Variants in COL15A1 observed in about 807,000 individuals in gnomAD.
COL15A1 encodes the protein collagen alpha-1(XV) chain.
COL15A1 carries 111 observed loss-of-function variants against 165.9 expected under a neutral mutation model. The ratio of observed to expected loss-of-function variants is 0.67; its 90% confidence interval spans 0.57 to 0.78. The LOEUF (loss-of-function observed/expected upper bound fraction) is 0.78, where lower values mean the gene tolerates loss of function less well. Among genes scored for constraint, COL15A1 ranks in the 30% least tolerant of loss-of-function variants. The pLI is 0.00. For missense variants in COL15A1, 1,745 were observed against 1,789.7 expected, an observed-to-expected ratio of 0.98 and a Z score of 0.45; for synonymous variants, 659 against 674.8, an observed-to-expected ratio of 0.98 and a Z score of 0.36.
At chr9:99,034,915 A>C in intron 17 of COL15A1, 99 bp from the exon 18 acceptor site, 2 of 1,081,542 alleles carry the variant, frequency 1.8e-6, no homozygotes, top group East Asian at 2.4e-5. Context: ...TCATCAACCT[A>C]ATTAACTTCA....
At position 98,986,082 on chromosome 9, in the gene COL15A1, T is replaced by C; in HGVS notation, c.618T>C (p.Asn206=). ...CCAGCGCTGGAATCTTCATGGGCAA[T>C]GCAGGAGCTACAGGGCTCGAGAGAT... ...FESSAGIFMG[N]AGATGLERFT... The change falls in exon 3 of 42, where the codon AAT becomes AAC. Residue 206 remains asparagine (N), a synonymous_variant. Coordinates refer to ENST00000375001, the MANE Select transcript of COL15A1 (RefSeq NM_001855.5). 1.2e-6 allele frequency: 2 copies of C among 1,613,788 alleles called. No individual in the cohort carries two copies. The highest frequency in any genetic ancestry group is 1.7e-6 in the Non-Finnish European group (2 of 1,179,988).
In COL15A1 at chr9:98,985,852, G is replaced by C; in HGVS notation, c.388G>C (p.Gly130Arg). The stretch of plus-strand genomic sequence containing the variant: ...CCTGCGGCTCTCAGGTGTGGAGGAC[G>C]GCCACCAGCGGATCATCCTCTACTA... ...LGLRLSGVED[G>R]HQRIILYYTE... The change falls in exon 3 of 42, where the codon GGC becomes CGC. Residue 130 changes from glycine (G) to arginine (R), a missense_variant. Gly to Arg is a moderately radical substitution (Grantham distance 125). Transcript: ENST00000375001. 6.2e-7 allele frequency: 1 copy of C among 1,613,800 alleles called. No individual in the cohort carries two copies. Among genetic ancestry groups the C allele is most frequent in the Non-Finnish European group, 8.5e-7 (1 of 1,180,040 alleles).
chr9:99,000,361 CATA>C (rs1370842351), intron 6 of COL15A1, among the ~76,000 whole-genome samples: 1 of 151,648 alleles, frequency 6.6e-6, no homozygotes, highest in Non-Finnish European at 1.5e-5. Flanking sequence ...TTATGTATGT[CATA>C]ATCATTATTA....
chr9:98,956,196 C>A (rs1163456251), intron 2 of COL15A1, among the ~76,000 whole-genome samples: 1 of 152,162 alleles, frequency 6.6e-6, no homozygotes, highest in Non-Finnish European at 1.5e-5. Context: ...GTCCCAGCTA[C>A]TTGGGAGGCT....
chr9:98,967,920 G>C (rs184681354), intron 2 of COL15A1, among the ~76,000 whole-genome samples: 8 of 152,338 alleles, frequency 5.3e-5, no homozygotes, highest in Non-Finnish European at 1.2e-4. Context: ...CTCAGCCCAG[G>C]GTTTCTGATT....
chr9:98,956,662 A>G (rs1033574192), intron 2 of COL15A1, among the ~76,000 whole-genome samples: 1 of 152,136 alleles, frequency 6.6e-6, no homozygotes, highest in Admixed American at 6.5e-5. Context: ...TCCACCCTAG[A>G]ATCCATCCTC....
intron 7 of COL15A1, among the ~76,000 whole-genome samples, chr9:99,001,574 A>G (rs1356121831): frequency 6.6e-6 from 1 of 152,218 alleles, no homozygotes; most frequent in East Asian, 1.9e-4. Flanking sequence ...CAAAAATTCA[A>G]CAAAATTACA....
intron 8 of COL15A1, among the ~76,000 whole-genome samples, chr9:99,004,277 T>C (rs141385800): frequency 1.9e-4 from 29 of 152,148 alleles, no homozygotes; most frequent in Middle Eastern, 3.4e-3. Flanking sequence ...GAGGCCGGGC[T>C]TGGGGGCTGT....
At chr9:99,020,703 C>A (rs1177896229) in intron 12 of COL15A1, among the ~76,000 whole-genome samples, 1 of 152,216 alleles carries the variant, frequency 6.6e-6, no homozygotes. Context: ...TGTCGAGTAT[C>A]AAAGGGTCCT....
chr9:98,968,738 T>C (rs1837995678), intron 2 of COL15A1, among the ~76,000 whole-genome samples: 1 of 152,164 alleles, frequency 6.6e-6, no homozygotes, highest in South Asian at 2.1e-4. Flanking sequence ...CACAGGCTAT[T>C]ATCATTATTA....
At chr9:99,007,934 A>G (rs1464666737) in intron 9 of COL15A1, among the ~76,000 whole-genome samples, 2 of 152,230 alleles carry the variant, frequency 1.3e-5, no homozygotes, top group Admixed American at 1.3e-4. Flanking sequence ...ATTAGGCAAG[A>G]CCAAAATCTA....
At chr9:99,009,626 A>T (rs1838817685) in intron 9 of COL15A1, among the ~76,000 whole-genome samples, 1 of 152,240 alleles carries the variant, frequency 6.6e-6, no homozygotes, top group African/African-American at 2.4e-5. Context: ...ATCACAAAAT[A>T]GGATCACAGG....
At chr9:99,018,282 C>T (rs1838970842) in intron 11 of COL15A1, among the ~76,000 whole-genome samples, 1 of 152,158 alleles carries the variant, frequency 6.6e-6, no homozygotes, top group African/African-American at 2.4e-5. Context: ...CTCTAATTGT[C>T]TCCCGCCTTC....
At chr9:98,978,430 G>C (rs554338393) in intron 2 of COL15A1, among the ~76,000 whole-genome samples, 5 of 152,306 alleles carry the variant, frequency 3.3e-5, no homozygotes, top group South Asian at 4.1e-4. Flanking sequence ...GGAATTTTCC[G>C]AGCAGAAAGA....
In COL15A1 at chr9:99,025,852, A is replaced by G. The variant is rs1316671335; in HGVS notation, c.1981-52A>G. Reference sequence around the variant, plus strand: ...CCCTCCTTTTCTAGCAAGCGTGTGTATGTGATATTTAGCAGAAATGTTGTG... The same window carrying G: ...CCCTCCTTTTCTAGCAAGCGTGTGTGTGTGATATTTAGCAGAAATGTTGTG... On this transcript the variant is annotated intron_variant, in intron 15 of 41. Coordinates refer to ENST00000375001, the MANE Select transcript of COL15A1 (RefSeq NM_001855.5). 2.5e-6 allele frequency: 4 copies of G among 1,574,148 alleles called. No homozygotes were observed. In the African/African-American group the frequency reaches 5.4e-5, roughly 21 times the overall value.
chr9:98,971,257 C>T (rs1453745277), intron 2 of COL15A1, among the ~76,000 whole-genome samples: 2 of 152,194 alleles, frequency 1.3e-5, no homozygotes, highest in Non-Finnish European at 2.9e-5. Context: ...TGCATGCTCC[C>T]ATCCCATGCC....
rs1269756550 is a variant in COL15A1 at position 99,015,430 on chromosome 9, A to T, written c.1367A>T (p.Glu456Val). Residue 456 changes from glutamate to valine, a missense_variant, in exon 10 of 42, where the codon GAA (glutamate) becomes GTA (valine). Transcript: ENST00000375001. The stretch of plus-strand genomic sequence containing the variant: ...ATTTCATTTCAGGGTCCAAGCAGTG[A>T]AGACAGTTTAACAACAGCTGCAGCT... Reference protein sequence around the residue: ...GEEATVGPSSEDSLTTAAAAT... With the variant: ...GEEATVGPSSVDSLTTAAAAT... 6.2e-7 allele frequency: 1 copy of T among 1,608,668 alleles called. No individual in the cohort carries two copies. The highest frequency in any genetic ancestry group is 1.1e-5 in the South Asian group (1 of 90,956).
At chr9:99,050,033 C>G in intron 30 of COL15A1, 138 bp downstream of exon 30, 1 of 1,186,478 alleles carries the variant, frequency 8.4e-7, no homozygotes, top group Admixed American at 2.1e-5. Context: ...TGTAGACCCT[C>G]AAGTGACTAG....
chr9:99,063,445 T>C (rs1335869001), intron 39 of COL15A1, among the ~76,000 whole-genome samples: 1 of 152,288 alleles, frequency 6.6e-6, no homozygotes, highest in African/African-American at 2.4e-5. Context: ...TGTGCATTCC[T>C]GTAATTGCTA....
Sources: gnomAD v4.1 joint callset for allele counts (sites outside exome capture counted in the v4.1 genomes callset) on GRCh38, gnomAD v4.1.1 for gene constraint, MANE v1.5 for transcripts, NCBI Gene and HGNC (gene_info 2026-07-23, HGNC 2026-07-21) for gene names.